Variants in CSMD2 observed in about 807,000 individuals in gnomAD.
CSMD2 encodes CUB and sushi domain-containing protein 2.
Under a neutral mutation model 398.5 loss-of-function variants are expected in CSMD2, and 130 were observed. The observed-to-expected ratio is 0.33, with a 90% CI of 0.28 to 0.38. The LOEUF (loss-of-function observed/expected upper bound fraction) is 0.38. Ranked by LOEUF, CSMD2 falls within the 10% of genes least tolerant of loss-of-function variation. CSMD2 has a pLI of 1.00. For missense variants in CSMD2, 3,829 were observed against 4,764.9 expected (o/e 0.80, Z 5.78); for synonymous variants, 1,828 against 1,908.5 (o/e 0.96, Z 1.10).
At chr1:33,998,205 G>C (rs984595106) in intron 3 of CSMD2, among the ~76,000 whole-genome samples, 1 of 152,094 alleles carries the variant, frequency 6.6e-6, no homozygotes, top group African/African-American at 2.4e-5. Flanking sequence ...ACCTCAGCTA[G>C]CACATTAGAA....
intron 37 of CSMD2, 141 bp from the exon 38 acceptor site, chr1:33,617,758 T>C: frequency 1.5e-6 from 1 of 659,784 alleles, no homozygotes; most frequent in Non-Finnish European, 2.7e-6. Flanking sequence ...GGCTAGTTCT[T>C]CCCAACTCTC....
intron 64 of CSMD2, among the ~76,000 whole-genome samples, chr1:33,529,585 A>G (rs917255370): frequency 3.3e-5 from 5 of 152,222 alleles, no homozygotes; most frequent in Non-Finnish European, 7.3e-5. Context: ...ATAGCCACAT[A>G]AAAAAGAATG....
At chr1:33,984,892 A>C (rs1013792854) in intron 3 of CSMD2, among the ~76,000 whole-genome samples, 5 of 151,990 alleles carry the variant, frequency 3.3e-5, no homozygotes, top group African/African-American at 1.2e-4. Flanking sequence ...GGCAGGAAGG[A>C]AGGAAGGAAA....
chr1:33,976,574 A>G (rs10799013), intron 3 of CSMD2, among the ~76,000 whole-genome samples: 57,815 of 152,032 alleles, frequency 0.38, 11,245 homozygotes, highest in East Asian at 0.56. Context: ...TCCCTGACCC[A>G]AGGCAGAAGC....
intron 9 of CSMD2, among the ~76,000 whole-genome samples, chr1:33,816,140 G>A (rs150469768): frequency 2.0e-5 from 3 of 152,190 alleles, no homozygotes; most frequent in Non-Finnish European, 2.9e-5. Flanking sequence ...TAACAAAGTC[G>A]GAACTTTAAC....
intron 11 of CSMD2, among the ~76,000 whole-genome samples, chr1:33,790,520 A>G (rs963521839): frequency 2.0e-5 from 3 of 152,170 alleles, no homozygotes; most frequent in Non-Finnish European, 4.4e-5. Context: ...ACCTACTGGC[A>G]TTTGGACTGC....
At chr1:33,949,654 G>A (rs912462230) in intron 3 of CSMD2, among the ~76,000 whole-genome samples, 2 of 152,196 alleles carry the variant, frequency 1.3e-5, no homozygotes, top group Non-Finnish European at 2.9e-5. Context: ...ATGAGGGGAA[G>A]GAATAATTTG....
At chr1:33,541,806 A>G (rs568026934) in intron 58 of CSMD2, among the ~76,000 whole-genome samples, 1 of 152,346 alleles carries the variant, frequency 6.6e-6, no homozygotes, top group Non-Finnish European at 1.5e-5. Flanking sequence ...ACCCAGGGAA[A>G]GGGAGTTTTC....
At chr1:34,083,572 A>G (rs1657510587) in intron 2 of CSMD2, among the ~76,000 whole-genome samples, 1 of 152,222 alleles carries the variant, frequency 6.6e-6, no homozygotes, top group Non-Finnish European at 1.5e-5. Flanking sequence ...AGTTTCATTA[A>G]AATAGGCTTA....
chr1:34,159,338 C>CCCCCCCCCCCCCCT, intron 1 of CSMD2, among the ~76,000 whole-genome samples: 1 of 142,816 alleles, frequency 7.0e-6, no homozygotes, highest in African/African-American at 2.7e-5. Flanking sequence ...GCCCCCCCCC[C>CCCCCCCCCCCCCCT]ACCCAGGAGC....
chr1:33,797,965 C>A (rs747400812), intron 10 of CSMD2, among the ~76,000 whole-genome samples: 1 of 152,184 alleles, frequency 6.6e-6, no homozygotes, highest in African/African-American at 2.4e-5. Context: ...TTGATGTGAA[C>A]CACATTTCAG....
intron 12 of CSMD2, among the ~76,000 whole-genome samples, chr1:33,781,894 C>G (rs1418981216): frequency 6.8e-6 from 1 of 147,954 alleles, no homozygotes; most frequent in African/African-American, 2.5e-5. Flanking sequence ...TCCCCTCCCC[C>G]GCCCCCTGAC....
At chr1:34,126,970 A>G (rs913020997) in intron 1 of CSMD2, among the ~76,000 whole-genome samples, 14 of 152,140 alleles carry the variant, frequency 9.2e-5, no homozygotes, top group Admixed American at 9.2e-4. Flanking sequence ...ATAGAAAAAG[A>G]GACACAACGG....
intron 44 of CSMD2, among the ~76,000 whole-genome samples, chr1:33,589,244 T>C (rs1639276955): frequency 6.6e-6 from 1 of 152,180 alleles, no homozygotes. Context: ...ATGGTTCCCA[T>C]TGATACTGTC....
chr1:33,894,861 C>A (rs1642273935), intron 5 of CSMD2, among the ~76,000 whole-genome samples: 1 of 152,156 alleles, frequency 6.6e-6, no homozygotes, highest in Non-Finnish European at 1.5e-5. Flanking sequence ...ACTGGGTCCC[C>A]ATCTCCTGCA....
chr1:33,609,912 T>G (rs1640882195), intron 41 of CSMD2, among the ~76,000 whole-genome samples: 2 of 152,210 alleles, frequency 1.3e-5, no homozygotes. Flanking sequence ...TAATCCCTCA[T>G]GTGAGGGTAT....
chr1:33,844,026 C>A lies in CSMD2; in HGVS notation c.1033+2858G>T, dbSNP rs541552620. On this transcript the variant is annotated intron_variant, in intron 6 of 70. Coordinates refer to ENST00000373381, the MANE Select transcript of CSMD2 (RefSeq NM_001281956.2). ...GCGGGCTCCTTTGACTCCACCCTCA[C>A]CTCTGTACATTGTGCCTTCACTAAA... 3.1e-3 allele frequency among the ~76,000 whole-genome samples: 470 copies of A among 152,354 alleles called. 4 individuals are homozygous for A. The highest frequency in any genetic ancestry group is 0.01 in the African/African-American group (434 of 41,586).
At position 33,611,294 on chromosome 1, in the gene CSMD2, C is replaced by T. The variant is rs375742480; in HGVS notation, c.6134-44G>A. On this transcript the variant is annotated intron_variant, in intron 40 of 70. Coordinates refer to ENST00000373381, the MANE Select transcript of CSMD2 (RefSeq NM_001281956.2). ...CAGACAGTGCCCAAAGCAACACAGT[C>T]CTGCCTCAAGTGTGCTGCCTCATGA... 7.2e-6 allele frequency: 11 copies of T among 1,537,996 alleles called. No homozygotes were observed. In the Admixed American group the frequency reaches 1.4e-4, roughly 19 times the overall value.
At chr1:33,540,426 G>A (rs944249421) in intron 60 of CSMD2, 99 bp downstream of exon 60, 29 of 1,240,646 alleles carry the variant, frequency 2.3e-5, no homozygotes, top group Non-Finnish European at 3.1e-5. Context: ...TTTGGGGAGG[G>A]GACTACCTAT....
Sources: gnomAD v4.1 joint callset for allele counts (sites outside exome capture counted in the v4.1 genomes callset) on GRCh38, gnomAD v4.1.1 for gene constraint, MANE v1.5 for transcripts, NCBI Gene and HGNC (gene_info 2026-07-23, HGNC 2026-07-21) for gene names.